Variants in TEAD2 observed in about 807,000 individuals in gnomAD.
The protein encoded by TEAD2 is transcriptional enhancer factor TEF-4.
A neutral mutation model predicts 61.4 loss-of-function variants in TEAD2; 51 were observed. That is an observed-to-expected ratio of 0.83 (90% CI 0.66 to 1.05). The LOEUF (loss-of-function observed/expected upper bound fraction) is 1.05. Among genes scored for constraint, TEAD2 ranks in the 50% least tolerant of loss-of-function variants. The pLI is 0.00. For missense variants in TEAD2, 509 were observed against 600.0 expected, an observed-to-expected ratio of 0.85 and a Z score of 1.58; for synonymous variants, 244 against 243.2, an observed-to-expected ratio of 1.00 and a Z score of -0.03.
chr19:49,341,303 A>G lies in TEAD2; in HGVS notation c.*21T>C. On this transcript the variant is annotated 3_prime_UTR_variant, in exon 13 of 13. Transcript: ENST00000593945. This position sits in a 1 kb window ranked among gnomAD's most constrained non-coding sequence, Gnocchi z 4.2. ...TGGGAGGAGGGTGTTCTGGGGGGTGAGCCAGTTTTGGGGTCCCCCTTCAGT... is the reference window on the plus strand; with the variant it reads ...TGGGAGGAGGGTGTTCTGGGGGGTGGGCCAGTTTTGGGGTCCCCCTTCAGT... 6.2e-7 allele frequency: 1 copy of G among 1,605,056 alleles called. No homozygotes were observed. The highest frequency in any genetic ancestry group is 8.5e-7 in the Non-Finnish European group (1 of 1,172,188).
In TEAD2 at chr19:49,354,582, C is replaced by T. The variant is rs116060515; in HGVS notation, c.539+566G>A. On this transcript the variant is annotated intron_variant, in intron 7 of 12. Coordinates refer to ENST00000593945, the MANE Select transcript of TEAD2 (RefSeq NM_001256660.2). ...ATTCTTGTAGGCTACAAACATATCC[C>T]GTCACCTCAAGGCTCTCTCAGAACT... 3.0e-3 allele frequency among the ~76,000 whole-genome samples: 453 copies of T among 152,106 alleles called. 3 individuals are homozygous for T. Among genetic ancestry groups the T allele is most frequent in the African/African-American group, 0.011 (439 of 41,492 alleles).
intron 10 of TEAD2, among the ~76,000 whole-genome samples, chr19:49,346,277 G>C (rs1052822047): frequency 2.6e-5 from 4 of 151,584 alleles, no homozygotes; most frequent in Non-Finnish European, 4.4e-5. Context: ...AAACACGCAA[G>C]ATGGGCCCTC....
At chr19:49,360,340 G>T in intron 1 of TEAD2, 2 of 507,886 alleles carry the variant, frequency 3.9e-6, no homozygotes, top group South Asian at 6.3e-5. Flanking sequence ...CTGGGGCCTG[G>T]ACTCCTGGGT....
chr19:49,360,509 A>G (rs1229403577), intron 1 of TEAD2: 1 of 190,134 alleles, frequency 5.3e-6, no homozygotes, highest in African/African-American at 2.3e-5. Context: ...ATTGTGATGA[A>G]GTCACAATGA....
At chr19:49,346,242 G>A (rs1971631798) in intron 10 of TEAD2, among the ~76,000 whole-genome samples, 1 of 151,328 alleles carries the variant, frequency 6.6e-6, no homozygotes, top group African/African-American at 2.4e-5. Context: ...TCATCATACT[G>A]GACACCAAAC....
At position 49,351,322 on chromosome 19, in the gene TEAD2, G is replaced by A. The variant is rs1347323961; in HGVS notation, c.583C>T (p.Pro195Ser). The A allele has an allele frequency of 2.5e-6, 4 of 1,612,638 alleles. No individual in the cohort carries two copies. In the South Asian group the frequency reaches 3.3e-5, roughly 13 times the overall value. Residue 195 changes from proline (P) to serine (S), a missense_variant, in exon 8 of 13, where the codon CCC (proline) becomes TCC (serine). By Grantham distance (74) the Pro-to-Ser change is moderately conservative. Transcript: ENST00000593945. ...SQTPFTLSLT[P>S]PSTDLPGYEP... is the part of the protein sequence containing the mutation. Reference sequence around the variant, plus strand: ...TTACCTGGGAGGTCAGTAGATGGGGGAGTCAGTGACAAGGTGAACGGTGTC... The same window carrying A: ...TTACCTGGGAGGTCAGTAGATGGGGAAGTCAGTGACAAGGTGAACGGTGTC...
At chr19:49,346,597 C>T (rs1026160598) in intron 10 of TEAD2, among the ~76,000 whole-genome samples, 3 of 152,126 alleles carry the variant, frequency 2.0e-5, no homozygotes, top group Non-Finnish European at 4.4e-5. Context: ...GCGGAGGTTG[C>T]CGTGAGCCAA....
chr19:49,359,764 A>G lies in TEAD2; in HGVS notation c.232+80T>C. 7.1e-7 allele frequency: 1 copy of G among 1,412,456 alleles called. No homozygotes were observed. Among genetic ancestry groups the G allele is most frequent in the Non-Finnish European group, 9.8e-7 (1 of 1,016,274 alleles). The allele number at this position is 1,412,456 out of a possible 1,614,324, so 87.5% of individuals were successfully genotyped here. ...TGTGCAAATGGTGATGCTAGCTCCTACTTCAGAGTGCTCCATAAACCTTGG... is the reference window on the plus strand; with the variant it reads ...TGTGCAAATGGTGATGCTAGCTCCTGCTTCAGAGTGCTCCATAAACCTTGG... On this transcript the variant is annotated intron_variant, in intron 2 of 12. Transcript: ENST00000593945. The surrounding 1 kb of genome is among the most constrained non-coding windows in gnomAD (Gnocchi z 4.1).
chr19:49,357,861 G>T (rs1262167275), intron 3 of TEAD2: 1 of 158,870 alleles, frequency 6.3e-6, no homozygotes, highest in Non-Finnish European at 1.4e-5. Flanking sequence ...ACTTTGGGAG[G>T]CCTAGATGGG....
intron 10 of TEAD2, among the ~76,000 whole-genome samples, chr19:49,345,724 C>A (rs1007279952): frequency 6.6e-6 from 1 of 152,134 alleles, no homozygotes; most frequent in Non-Finnish European, 1.5e-5. Flanking sequence ...CCCTAAACAT[C>A]CAGGCAACAT....
At chr19:49,355,050 A>ATAC in intron 7 of TEAD2, 98 bp downstream of exon 7, 1 of 637,222 alleles carries the variant, frequency 1.6e-6, no homozygotes, top group Non-Finnish European at 2.8e-6. Context: ...TACATACATA[A>ATAC]ATGGGGGGAC....
At chr19:49,343,135 C>T in intron 11 of TEAD2, 96 bp downstream of exon 11, 2 of 1,410,566 alleles carry the variant, frequency 1.4e-6, no homozygotes, top group Non-Finnish European at 1.9e-6. Context: ...GGACCCACTC[C>T]CTCCATGCAT....
chr19:49,349,236 G>A (rs1489958268), intron 8 of TEAD2, among the ~76,000 whole-genome samples: 2 of 152,168 alleles, frequency 1.3e-5, no homozygotes, highest in African/African-American at 2.4e-5. Context: ...GGCCAACGCA[G>A]GTGGATCACA....
chr19:49,359,276 A>T lies in TEAD2; in HGVS notation c.297+159T>A. ...ATACATAAATAACCCAGCCTCGGGT[A>T]ATTCTTTATAGCAATACAAACGGAC... On this transcript the variant is annotated intron_variant, in intron 3 of 12. Coordinates refer to ENST00000593945, the MANE Select transcript of TEAD2 (RefSeq NM_001256660.2). The surrounding 1 kb of genome is among the most constrained non-coding windows in gnomAD (Gnocchi z 4.1). The T allele has an allele frequency of 2.9e-6, 2 of 688,490 alleles. No homozygotes were observed. The highest frequency in any genetic ancestry group is 5.2e-6 in the Non-Finnish European group (2 of 383,436). 42.6% of individuals were successfully genotyped at this position (688,490 alleles called of 1,614,324 possible).
At chr19:49,342,304 T>G (rs1971341275) in intron 12 of TEAD2, 134 bp downstream of exon 12, 1 of 1,221,880 alleles carries the variant, frequency 8.2e-7, no homozygotes, top group Non-Finnish European at 1.2e-6. Context: ...TAAAAGAGCC[T>G]CAGGCTGAGG....
chr19:49,346,735 CCAGA>C (rs1971666931), intron 10 of TEAD2, among the ~76,000 whole-genome samples: 1 of 152,170 alleles, frequency 6.6e-6, no homozygotes, highest in Non-Finnish European at 1.5e-5. Context: ...TTCCTCAAAG[CCAGA>C]CATTCTCTAG....
chr19:49,360,284 G>T, intron 1 of TEAD2: 1 of 594,966 alleles, frequency 1.7e-6, no homozygotes, highest in Non-Finnish European at 3.0e-6. Flanking sequence ...TGAGTCTGAG[G>T]GAGGAGGGGC....
intron 10 of TEAD2, among the ~76,000 whole-genome samples, chr19:49,346,826 G>A (rs929940557): frequency 2.1e-4 from 32 of 152,316 alleles, no homozygotes; most frequent in South Asian, 1.0e-3. Flanking sequence ...CACTGGCTAC[G>A]GGGAGGGGTC....
intron 4 of TEAD2, among the ~76,000 whole-genome samples, chr19:49,356,596 G>C (rs186714230): frequency 1.3e-5 from 2 of 152,074 alleles, no homozygotes; most frequent in East Asian, 3.9e-4. Flanking sequence ...GCAAAGGTCA[G>C]GAAATGGGAA....
Sources: allele counts gnomAD v4.1 joint callset (sites outside exome capture counted in the v4.1 genomes callset), GRCh38; gene constraint gnomAD v4.1.1; non-coding constraint Gnocchi (gnomAD v3.1); transcripts MANE v1.5; gene names NCBI Gene and HGNC (gene_info 2026-07-23, HGNC 2026-07-21).